The following MCM3 variants were observed in gnomAD, a reference collection of about 807,000 sequenced individuals.
The protein encoded by MCM3 is minichromosome maintenance complex component 3.
A neutral mutation model predicts 91.3 loss-of-function variants in MCM3; 59 were observed. The ratio of observed to expected loss-of-function variants is 0.65; its 90% CI spans 0.52 to 0.80. The LOEUF (loss-of-function observed/expected upper bound fraction) is 0.80, where lower values mean the gene tolerates loss of function less well. MCM3 is among the 30% of genes least tolerant of loss of function. The pLI is 0.00. For missense variants in MCM3, 919 were observed against 1,035.4 expected (o/e 0.89, Z 1.54); for synonymous variants, 383 against 379.6 (o/e 1.01, Z -0.10).
chr6:52,266,472 G>A, intron 15 of MCM3, 139 bp downstream of exon 15: 1 of 776,862 alleles, frequency 1.3e-6, no homozygotes, highest in Non-Finnish European at 2.2e-6. Flanking sequence ...AGCTCTCTTG[G>A]GACAAACCTC....
intron 9 of MCM3, among the ~76,000 whole-genome samples, chr6:52,274,814 A>AT (rs1765422973): frequency 6.6e-6 from 1 of 152,234 alleles, no homozygotes; most frequent in South Asian, 2.1e-4. Context: ...GTCAGAGAAC[A>AT]TAACAACCTT....
At chr6:52,284,547 G>C (rs1309448230) in intron 1 of MCM3, 50 bp downstream of exon 1, 2 of 1,534,016 alleles carry the variant, frequency 1.3e-6, no homozygotes, top group African/African-American at 2.7e-5. Flanking sequence ...GCCGGGCCGC[G>C]TCCGCAGGGG....
At chr6:52,273,955 A>G (rs776935022) in intron 9 of MCM3, 39 bp from the exon 10 acceptor site, 5 of 1,525,926 alleles carry the variant, frequency 3.3e-6, no homozygotes, top group Non-Finnish European at 4.5e-6. Flanking sequence ...ACATGACATC[A>G]ATAGGAAGAA....
At position 52,277,886 on chromosome 6, in the gene MCM3, G is replaced by C. The variant is rs1428907381; in HGVS notation, c.880-198C>G. On this transcript the variant is annotated intron_variant, in intron 6 of 16. Coordinates refer to ENST00000596288, the MANE Select transcript of MCM3 (RefSeq NM_002388.6). Reference sequence around the variant, plus strand: ...GTTCGAGACCAGCCTGGCCAACATGGTGAAACCCCATCTCTACTAAAAATA... The same window carrying C: ...GTTCGAGACCAGCCTGGCCAACATGCTGAAACCCCATCTCTACTAAAAATA... 2.0e-5 allele frequency among the ~76,000 whole-genome samples: 3 copies of C among 151,736 alleles called. No homozygotes were observed. In the East Asian group the frequency reaches 5.8e-4, roughly 29 times the overall value.
intron 14 of MCM3, among the ~76,000 whole-genome samples, 180 bp downstream of exon 14, chr6:52,267,685 G>A (rs977969775): frequency 6.6e-6 from 1 of 151,656 alleles, no homozygotes; most frequent in Non-Finnish European, 1.5e-5. Context: ...CCGCCACCAC[G>A]CCCAGCTAAT....
chr6:52,282,134 A>G lies in MCM3; in HGVS notation c.442T>C (p.Cys148Arg). The change falls in exon 4 of 17, where the codon TGT becomes CGT. Residue 148 changes from cysteine (C) to arginine (R), a missense_variant. Physicochemically the swap from Cys to Arg is radical, Grantham distance 180 (BLOSUM62 -3). Around this residue, in one of 3 missense-constraint regions of MCM3, gnomAD observed 401 missense variants for 402.7 expected, o/e 1.00. Coordinates refer to ENST00000596288, the MANE Select transcript of MCM3 (RefSeq NM_002388.6). ...RPKVVRSVHY[C>R]PATKKTIERR... ...TCTATGGTCTTCTTAGTAGCAGGAC[A>G]GTAGTGGACACTGCGGACGACTTTG... is the stretch of plus-strand genomic sequence containing the variant. 1 of 1,614,158 alleles carries G rather than the reference A, an allele frequency of 6.2e-7. No homozygotes were observed. The highest frequency in any genetic ancestry group is 8.5e-7 in the Non-Finnish European group (1 of 1,179,984).
rs1445408594 is a variant in MCM3, at chr6:52,264,809, G to C, written c.2229-23C>G. ...AACCTGCCCCAGACAGAAGAAAGGG[G>C]GAAGAGGAGTAAACAAACCCAAATG... On this transcript the variant is annotated intron_variant, in intron 16 of 16. Transcript: ENST00000596288. 3.1e-6 allele frequency: 5 copies of C among 1,609,896 alleles called. No homozygotes were observed. The South Asian group carries it at 4.4e-5, about 14-fold the overall frequency.
At chr6:52,276,517 T>C in intron 8 of MCM3, 41 bp from the exon 9 acceptor site, 1 of 1,518,612 alleles carries the variant, frequency 6.6e-7, no homozygotes, top group South Asian at 1.2e-5. Flanking sequence ...ACAGTCTAGG[T>C]TATAGGGGCC....
chr6:52,284,494 T>G, intron 1 of MCM3, 103 bp downstream of exon 1: 1 of 1,054,770 alleles, frequency 9.5e-7, no homozygotes, highest in South Asian at 1.6e-5. Context: ...CAGGCTCCGC[T>G]GCGGCACACG....
At position 52,264,450 on chromosome 6, in the gene MCM3, C is replaced by T; in HGVS notation, c.*138G>A. ...AGGGTCCACCGAGTCCTGAACTCAGCTTCATCACCAACATTCCTCGCCTTC... is the reference window on the plus strand; with the variant it reads ...AGGGTCCACCGAGTCCTGAACTCAGTTTCATCACCAACATTCCTCGCCTTC... On this transcript the variant is annotated 3_prime_UTR_variant, in exon 17 of 17. Coordinates refer to ENST00000596288, the MANE Select transcript of MCM3 (RefSeq NM_002388.6). 1 of 929,580 alleles carries T rather than the reference C, an allele frequency of 1.1e-6. No individual in the cohort carries two copies. The highest frequency in any genetic ancestry group is 1.6e-6 in the Non-Finnish European group (1 of 608,044). The allele number at this position is 929,580 out of a possible 1,614,324, so 57.6% of individuals were successfully genotyped here. A position where few individuals can be genotyped will look rare whatever the true frequency, so the allele number is the denominator to read the frequency against.
At chr6:52,265,305 C>A (rs761844222) in intron 16 of MCM3, 1 of 434,450 alleles carries the variant, frequency 2.3e-6, no homozygotes. Flanking sequence ...GTAATCCCAG[C>A]CTTTTGGGAG....
chr6:52,265,248 C>A, intron 16 of MCM3: 1 of 425,152 alleles, frequency 2.4e-6, no homozygotes, highest in Non-Finnish European at 4.7e-6. Context: ...GGAAACCCTG[C>A]AGTCATTAAA....
In MCM3 at chr6:52,282,881, A is replaced by G; in HGVS notation, c.192-20T>C. On this transcript the variant is annotated intron_variant, in intron 2 of 16. Coordinates refer to ENST00000596288, the MANE Select transcript of MCM3 (RefSeq NM_002388.6). ...AGAAGCCTGTACATAAGCAAGAGAA[A>G]GAAAAATTAGACTGGGCAGAACTCA... 1 of 1,601,036 alleles carries G rather than the reference A, an allele frequency of 6.2e-7. No homozygotes were observed. Among genetic ancestry groups the G allele is most frequent in the Non-Finnish European group, 8.6e-7 (1 of 1,169,070 alleles).
At chr6:52,276,121 A>C in intron 9 of MCM3, 147 bp downstream of exon 9, 1 of 720,452 alleles carries the variant, frequency 1.4e-6, no homozygotes, top group Non-Finnish European at 2.3e-6. Flanking sequence ...ACACTGCTCT[A>C]AACAAAGGAC....
intron 8 of MCM3, 127 bp downstream of exon 8, chr6:52,276,940 C>T: frequency 9.2e-7 from 1 of 1,083,394 alleles, no homozygotes; most frequent in African/African-American, 1.6e-5. Flanking sequence ...TTGCTGAATA[C>T]TCAGTCCTCT....
intron 8 of MCM3, 126 bp downstream of exon 8, chr6:52,276,941 T>C: frequency 9.2e-7 from 1 of 1,090,934 alleles, no homozygotes; most frequent in Non-Finnish European, 1.3e-6. Context: ...TGCTGAATAC[T>C]CAGTCCTCTA....
At chr6:52,280,826 C>T (rs1442681277) in intron 4 of MCM3, among the ~76,000 whole-genome samples, 8 of 152,146 alleles carry the variant, frequency 5.3e-5, no homozygotes, top group Non-Finnish European at 7.4e-5. Flanking sequence ...TAACTGGGAC[C>T]GTAAGCAAAT....
chr6:52,266,285 C>A, intron 15 of MCM3, 141 bp from the exon 16 acceptor site: 1 of 685,664 alleles, frequency 1.5e-6, no homozygotes, highest in Non-Finnish European at 2.6e-6. Context: ...CTTATGGGGC[C>A]AGGCAGAACA....
chr6:52,273,981 C>T, intron 9 of MCM3, 65 bp from the exon 10 acceptor site: 1 of 1,344,596 alleles, frequency 7.4e-7, no homozygotes, highest in Non-Finnish European at 1.0e-6. Flanking sequence ...AACAAGGCTG[C>T]TGCAGTTCTG....
Sources: allele counts gnomAD v4.1 joint callset (sites outside exome capture counted in the v4.1 genomes callset), GRCh38; gene constraint gnomAD v4.1.1; regional missense constraint gnomAD v4.1.1; transcripts MANE v1.5; gene names NCBI Gene and HGNC (gene_info 2026-07-23, HGNC 2026-07-21).